Variants in TLN2 observed in about 807,000 individuals in gnomAD.
The protein encoded by TLN2 is talin 2.
TLN2 carries 118 observed loss-of-function variants against 294.7 expected under a neutral mutation model. That is an observed-to-expected ratio of 0.40 (90% CI 0.34 to 0.47). The LOEUF is 0.47. TLN2 is among the 20% of genes least tolerant of loss of function. The pLI, the probability that TLN2 is intolerant of heterozygous loss-of-function variation, is 0.84. For missense variants in TLN2, 3,083 were observed against 3,282.2 expected (o/e 0.94, Z 1.48); for synonymous variants, 1,431 against 1,304.5 (o/e 1.10, Z -2.09).
chr15:62,686,379 C>T (rs142308232), intron 11 of TLN2, among the ~76,000 whole-genome samples: 4 of 152,150 alleles, frequency 2.6e-5, no homozygotes, highest in Non-Finnish European at 2.9e-5. Flanking sequence ...TTTCTGGCAT[C>T]GTCTGTTTTT....
At chr15:62,399,405 CA>C (rs761007727) in intron 1 of TLN2, among the ~76,000 whole-genome samples, 1 of 152,114 alleles carries the variant, frequency 6.6e-6, no homozygotes, top group Non-Finnish European at 1.5e-5. Flanking sequence ...ACAGAGTCCC[CA>C]TTGGGGCACT....
chr15:62,707,689 C>T (rs1483374910), intron 20 of TLN2, among the ~76,000 whole-genome samples: 2 of 152,176 alleles, frequency 1.3e-5, no homozygotes, highest in Admixed American at 6.5e-5. Context: ...GTGTGTCATA[C>T]ATCACCTCAT....
At chr15:62,557,539 C>A (rs1454885307) in intron 1 of TLN2, among the ~76,000 whole-genome samples, 1 of 152,120 alleles carries the variant, frequency 6.6e-6, no homozygotes, top group Admixed American at 6.5e-5. Context: ...AACCTTGTCA[C>A]AACTATTCTT....
intron 1 of TLN2, among the ~76,000 whole-genome samples, chr15:62,467,886 G>T (rs2037234131): frequency 6.6e-6 from 1 of 152,130 alleles, no homozygotes; most frequent in Non-Finnish European, 1.5e-5. Context: ...TCCCTGCGGG[G>T]CCAGATCTCC....
intron 1 of TLN2, among the ~76,000 whole-genome samples, chr15:62,582,628 G>T (rs1191134658): frequency 6.6e-6 from 1 of 152,180 alleles, no homozygotes; most frequent in Non-Finnish European, 1.5e-5. Context: ...GGGGAAAACA[G>T]CTCAGAGGGC....
intron 1 of TLN2, among the ~76,000 whole-genome samples, chr15:62,584,551 C>G (rs2045428494): frequency 6.6e-6 from 1 of 152,208 alleles, no homozygotes; most frequent in Non-Finnish European, 1.5e-5. Context: ...GCTGGAAAGT[C>G]AGTGCAGGGA....
chr15:62,819,697 A>ATAC, intron 53 of TLN2, 76 bp downstream of exon 53: 1 of 1,344,360 alleles, frequency 7.4e-7, no homozygotes, highest in Non-Finnish European at 1.0e-6. Context: ...AGCAGAGGAA[A>ATAC]AGCACAGACG....
At chr15:62,724,907 A>C (rs754355774) in intron 26 of TLN2, 69 bp from the exon 27 acceptor site, 9 of 1,536,406 alleles carry the variant, frequency 5.9e-6, no homozygotes, top group Non-Finnish European at 7.0e-6. Flanking sequence ...GCATTTTATA[A>C]GTTGCAAAAG....
At chr15:62,581,905 G>A (rs1006337962) in intron 1 of TLN2, among the ~76,000 whole-genome samples, 24 of 152,068 alleles carry the variant, frequency 1.6e-4, no homozygotes, top group Admixed American at 2.0e-4. Flanking sequence ...TTAGCCGGGC[G>A]TAGTGGTATG....
intron 1 of TLN2, among the ~76,000 whole-genome samples, chr15:62,433,730 C>T (rs1416762604): frequency 6.6e-6 from 1 of 152,062 alleles, no homozygotes; most frequent in Non-Finnish European, 1.5e-5. Flanking sequence ...TTGAATGAAT[C>T]GAGTCTCCTG....
At chr15:62,455,305 G>A (rs1230812630) in intron 1 of TLN2, among the ~76,000 whole-genome samples, 4 of 152,014 alleles carry the variant, frequency 2.6e-5, no homozygotes, top group Non-Finnish European at 5.9e-5. Context: ...TCAGGAAGGG[G>A]TTCCTGGAGG....
At chr15:62,746,194 A>G (rs1830974392) in intron 32 of TLN2, among the ~76,000 whole-genome samples, 1 of 152,218 alleles carries the variant, frequency 6.6e-6, no homozygotes, top group Non-Finnish European at 1.5e-5. Context: ...CACAGAGAGA[A>G]TTAAGCTAAA....
At chr15:62,672,273 G>A (rs994302853) in intron 9 of TLN2, among the ~76,000 whole-genome samples, 3 of 152,092 alleles carry the variant, frequency 2.0e-5, no homozygotes, top group African/African-American at 7.2e-5. Context: ...CTCATTTACA[G>A]TTTTCAGTAT....
chr15:62,495,300 T>C (rs901399725), intron 1 of TLN2, among the ~76,000 whole-genome samples: 5 of 152,178 alleles, frequency 3.3e-5, no homozygotes, highest in Non-Finnish European at 4.4e-5. Flanking sequence ...TCTTTTTGTT[T>C]TTGTTTTGAG....
At chr15:62,706,954 C>CA (rs1315821693) in intron 19 of TLN2, 132 bp from the exon 20 acceptor site, 68 of 1,129,884 alleles carry the variant, frequency 6.0e-5, no homozygotes, top group Non-Finnish European at 6.0e-5. Context: ...GTTGACATTT[C>CA]AAAAAAAAGT....
At chr15:62,452,830 G>A (rs1296864349) in intron 1 of TLN2, among the ~76,000 whole-genome samples, 1 of 152,138 alleles carries the variant, frequency 6.6e-6, no homozygotes, top group Non-Finnish European at 1.5e-5. Flanking sequence ...CCAGAGTGGC[G>A]GGGCCAGTGT....
intron 1 of TLN2, among the ~76,000 whole-genome samples, chr15:62,394,817 C>G (rs1161427920): frequency 6.8e-6 from 1 of 147,364 alleles, no homozygotes; most frequent in Non-Finnish European, 1.5e-5. Flanking sequence ...AGCTGGTGGA[C>G]AAGGTTGGGT....
In TLN2 at chr15:62,841,535, C is replaced by G. The variant is rs1432811026; in HGVS notation, c.*925C>G. ...TGTGCCTTCAGAATGGTCACAAGCC[C>G]GGATTGGAAAGGATCTGCTTACAAA... is the stretch of plus-strand genomic sequence containing the variant. On this transcript the variant is annotated 3_prime_UTR_variant, in exon 59 of 59. Coordinates refer to ENST00000636159, the MANE Select transcript of TLN2 (RefSeq NM_015059.3). 1 of 152,118 alleles carries G rather than the reference C, an allele frequency of 6.6e-6. No homozygotes were observed. The highest frequency in any genetic ancestry group is 1.5e-5 in the Non-Finnish European group (1 of 68,022). The allele number at this position is 152,118 out of a possible 1,614,324, so 9.4% of individuals were successfully genotyped here.
At chr15:62,536,607 G>T (rs187338604) in intron 1 of TLN2, among the ~76,000 whole-genome samples, 9 of 152,138 alleles carry the variant, frequency 5.9e-5, no homozygotes, top group Non-Finnish European at 8.8e-5. Context: ...TCTGAACAGC[G>T]CTGTAATAGT....
Sources: allele counts gnomAD v4.1 joint callset (sites outside exome capture counted in the v4.1 genomes callset), GRCh38; gene constraint gnomAD v4.1.1; transcripts MANE v1.5; gene names NCBI Gene and HGNC (gene_info 2026-07-23, HGNC 2026-07-21).